The following KIR3DL1 variants were observed in gnomAD, a reference collection of about 807,000 sequenced individuals.
KIR3DL1 encodes killer cell immunoglobulin-like receptor 3DL1.
A neutral mutation model predicts 40.3 loss-of-function variants in KIR3DL1; 50 were observed. That is an observed-to-expected ratio of 1.24 (90% CI 0.99 to 1.57). The LOEUF is 1.57. Among genes scored for constraint, KIR3DL1 ranks in the 40% most tolerant of loss-of-function variants. The probability of loss-of-function intolerance (pLI) is 0.00; values close to 1 mark genes in which losing one functional copy is unlikely to be tolerated. For missense variants in KIR3DL1, 661 were observed against 559.9 expected (o/e 1.18, Z -1.82); for synonymous variants, 257 against 207.2 (o/e 1.24, Z -2.07).
In KIR3DL1 at chr19:54,817,367, G is replaced by C. The variant is rs1480795031; in HGVS notation, c.35-167G>C. ...GTAGAGATCTGGGCCTGGAGGCTCAGTCTCTGCACAGCCGAGATCCTTGTT... is the reference window on the plus strand; with the variant it reads ...GTAGAGATCTGGGCCTGGAGGCTCACTCTCTGCACAGCCGAGATCCTTGTT... On this transcript the variant is annotated intron_variant, in intron 1 of 8. Transcript: ENST00000391728. 1.4e-5 allele frequency among the ~76,000 whole-genome samples: 2 copies of C among 144,568 alleles called. 1 individual carries two copies. Among genetic ancestry groups the C allele is most frequent in the Admixed American group, 1.4e-4 (2 of 14,536 alleles). 94.8% of individuals were successfully genotyped at this position (144,568 alleles called of 152,430 possible).
rs559245017 is a variant in KIR3DL1 at position 54,819,908 on chromosome 19, C to G, written c.551C>G (p.Pro184Arg). The stretch of plus-strand genomic sequence containing the variant: ...TCCAAGGCCAATTTCTCCATCGGTC[C>G]CATGATGCTTGCCCTTGCAGGGACC... Residue 184 changes from proline to arginine, a missense_variant, in exon 4 of 9, where the codon CCC becomes CGC. Transcript: ENST00000391728. The G allele has an allele frequency of 3.3e-4, 525 of 1,612,246 alleles. 31 individuals are homozygous for G. The South Asian group carries it at 5.5e-3, about 17-fold the overall frequency.
chr19:54,828,312 G>A (rs1056764545), intron 6 of KIR3DL1, among the ~76,000 whole-genome samples: 1 of 151,342 alleles, frequency 6.6e-6, no homozygotes, highest in African/African-American at 2.4e-5. Context: ...AAGCACATTC[G>A]CTGTGTATCA....
chr19:54,818,476 G>A, exon 3 of KIR3DL1: 2 of 1,609,764 alleles, frequency 1.2e-6, no homozygotes, highest in South Asian at 1.1e-5. Context: ...AATATTCCAG[G>A]AGAGCTTCAA....
In KIR3DL1 at chr19:54,827,864, A is replaced by G. The variant is rs191865191; in HGVS notation, c.1001-1497A>G. On this transcript the variant is annotated intron_variant, in intron 6 of 8. Coordinates refer to ENST00000391728, the Ensembl canonical transcript of KIR3DL1. ...GAATAGAGAAAGTGCTCTGGTCATC[A>G]CAAAAAAAACTTGCCCCCTCACCCA... is the stretch of plus-strand genomic sequence containing the variant. 1.1e-3 allele frequency among the ~76,000 whole-genome samples: 158 copies of G among 150,420 alleles called. 6 individuals are homozygous for G. The East Asian group carries it at 0.028, about 26-fold the overall frequency.
intron 4 of KIR3DL1, among the ~76,000 whole-genome samples, chr19:54,821,039 C>T (rs2061606004): frequency 6.7e-6 from 1 of 149,440 alleles, no homozygotes; most frequent in Non-Finnish European, 1.5e-5. Context: ...TAGATATATA[C>T]ATAGATGATA....
At chr19:54,820,985 C>A (rs2061602628) in intron 4 of KIR3DL1, among the ~76,000 whole-genome samples, 1 of 147,248 alleles carries the variant, frequency 6.8e-6, no homozygotes, top group African/African-American at 2.5e-5. Flanking sequence ...TAGATGATGA[C>A]TGATAGATGA....
intron 5 of KIR3DL1, among the ~76,000 whole-genome samples, 163 bp from the exon 6 acceptor site, chr19:54,824,865 A>T (rs1329645508): frequency 2.0e-5 from 3 of 150,358 alleles, no homozygotes; most frequent in Non-Finnish European, 4.4e-5. Flanking sequence ...AAGTCTCAAG[A>T]CAGTGGGCAT....
intron 3 of KIR3DL1, among the ~76,000 whole-genome samples, chr19:54,819,511 C>T (rs2061522643): frequency 6.6e-6 from 1 of 151,090 alleles, no homozygotes; most frequent in Non-Finnish European, 1.5e-5. Context: ...GAGTCAGGGG[C>T]TACTGGAGAC....
chr19:54,826,186 A>T lies in KIR3DL1; in HGVS notation c.1000+1108A>T, dbSNP rs1169443862. On this transcript the variant is annotated intron_variant, in intron 6 of 8. Transcript: ENST00000391728. The stretch of plus-strand genomic sequence containing the variant: ...CTTCCACGAACGGTGAACAAGATGC[A>T]TTTGGCCTCTGCTCTTGGGACACTG... Among the ~76,000 whole-genome samples the T allele has an allele frequency of 1.3e-5, 2 of 150,412 alleles. 1 individual carries two copies. The highest frequency in any genetic ancestry group is 5.0e-5 in the African/African-American group (2 of 40,272).
At chr19:54,821,472 TC>T in intron 4 of KIR3DL1, 92 bp from the exon 5 acceptor site, 2 of 1,403,706 alleles carry the variant, frequency 1.4e-6, no homozygotes, top group Non-Finnish European at 1.9e-6. Context: ...GAGCATTAGG[TC>T]ATAGAGCAGG....
chr19:54,816,675 A>G, intron 1 of KIR3DL1, 141 bp downstream of exon 1: 1 of 1,358,980 alleles, frequency 7.4e-7, no homozygotes. Context: ...CCTGGAGTGG[A>G]GATCTGGGCC....
chr19:54,825,653 T>C (rs2061846324), intron 6 of KIR3DL1, among the ~76,000 whole-genome samples: 1 of 150,130 alleles, frequency 6.7e-6, no homozygotes, highest in Admixed American at 6.6e-5. Flanking sequence ...GATTCGTGGG[T>C]GAAAACAAAA....
Position 54,819,712 on chromosome 19 carries a change from G to C in KIR3DL1, c.356-1G>C. 1 of 1,606,908 alleles carries C rather than the reference G, an allele frequency of 6.2e-7. No homozygotes were observed. Among genetic ancestry groups the C allele is most frequent in the South Asian group, 1.1e-5 (1 of 90,520 alleles). On this transcript the variant is annotated splice_acceptor_variant, in intron 3 of 8. Transcript: ENST00000391728. LOFTEE classifies it high-confidence loss of function. ...TCTAAACTCACAACTTCTCTTTCTAGGAAACCACAGAAAACCTTCCCTCCT... is the reference window on the plus strand; with the variant it reads ...TCTAAACTCACAACTTCTCTTTCTACGAAACCACAGAAAACCTTCCCTCCT...
chr19:54,829,943 A>T (rs1329391956), exon 8 of KIR3DL1: 1 of 1,526,728 alleles, frequency 6.5e-7, no homozygotes, highest in Non-Finnish European at 8.9e-7. Context: ...GCTGTAATGG[A>T]CCAAGAGCCT....
intron 7 of KIR3DL1, 46 bp from the exon 8 acceptor site, chr19:54,829,882 C>A (rs2062123998): frequency 1.3e-6 from 2 of 1,492,522 alleles, no homozygotes; most frequent in African/African-American, 2.8e-5. Context: ...AAATGAGGAC[C>A]CAGAAGTGCC....
At chr19:54,821,567 C>G in exon 5 of KIR3DL1, 1 of 1,605,298 alleles carries the variant, frequency 6.2e-7, no homozygotes, top group Non-Finnish European at 8.5e-7. Flanking sequence ...CCTTCCAGGT[C>G]CATATGAGAA....
chr19:54,817,238 G>C (rs2061393836), intron 1 of KIR3DL1, among the ~76,000 whole-genome samples: 1 of 146,812 alleles, frequency 6.8e-6, no homozygotes, highest in Non-Finnish European at 1.5e-5. Context: ...TGGAGATATG[G>C]GCCTGGAGTG....
chr19:54,818,717 A>G (rs560715074), intron 3 of KIR3DL1, 118 bp downstream of exon 3: 14,597 of 1,220,706 alleles, frequency 0.012, 118 homozygotes, highest in Non-Finnish European at 0.015. Flanking sequence ...GGGTCAAGGG[A>G]GATTGAATAC....
chr19:54,825,667 T>C (rs1654642), intron 6 of KIR3DL1, among the ~76,000 whole-genome samples: 65,512 of 143,356 alleles, frequency 0.46, 13,948 homozygotes, highest in Non-Finnish European at 0.52. Flanking sequence ...AACAAAACGG[T>C]TTTTTAATTA....
Sources: gnomAD v4.1 joint callset for allele counts (sites outside exome capture counted in the v4.1 genomes callset) on GRCh38, gnomAD v4.1.1 for gene constraint, MANE v1.5 for transcripts, NCBI Gene and HGNC (gene_info 2026-07-23, HGNC 2026-07-21) for gene names.